The following ACAD9 variants were observed in gnomAD, a reference collection of about 807,000 sequenced individuals.
The protein encoded by ACAD9 is acyl-CoA dehydrogenase family member 9.
A neutral mutation model predicts 70.2 loss-of-function variants in ACAD9; 53 were observed. The observed-to-expected ratio is 0.75, with a 90% CI of 0.61 to 0.95. The LOEUF is 0.95. Among genes scored for constraint, ACAD9 ranks in the 40% least tolerant of loss-of-function variants. ACAD9 has a pLI of 0.00. For missense variants in ACAD9, 777 were observed against 802.8 expected (o/e 0.97, Z 0.39); for synonymous variants, 313 against 312.1 (o/e 1.00, Z -0.03).
chr3:128,895,943 A>C (rs1169479000), intron 4 of ACAD9, among the ~76,000 whole-genome samples: 1 of 152,214 alleles, frequency 6.6e-6, no homozygotes, highest in Admixed American at 6.5e-5. Flanking sequence ...ATTCATGCAG[A>C]TGTTTAGTGA....
chr3:128,886,654 G>A (rs954904799), intron 2 of ACAD9, among the ~76,000 whole-genome samples: 2 of 122,536 alleles, frequency 1.6e-5, no homozygotes, highest in African/African-American at 8.0e-5. Flanking sequence ...GTTGCGGTGA[G>A]CCGAGATCGC....
In ACAD9 at chr3:128,895,530, G is replaced by C. The variant is rs978911463; in HGVS notation, c.453+114G>C. On this transcript the variant is annotated intron_variant, in intron 4 of 17. Coordinates refer to ENST00000308982, the MANE Select transcript of ACAD9 (RefSeq NM_014049.5). ...AATTGGGCCTGATATCTGACCTTCA[G>C]CCCTGCCCTTCAGTTCCCTCACTCT... 6 of 969,394 alleles carry C rather than the reference G, an allele frequency of 6.2e-6. No homozygotes were observed. The African/African-American group carries it at 9.7e-5, about 16-fold the overall frequency. The allele number at this position is 969,394 out of a possible 1,614,324, so 60.0% of individuals were successfully genotyped here. A position where few individuals can be genotyped will look rare whatever the true frequency, so the allele number is the denominator to read the frequency against.
chr3:128,895,546 C>T (rs1935547174), intron 4 of ACAD9, 130 bp downstream of exon 4: 1 of 841,194 alleles, frequency 1.2e-6, no homozygotes, highest in Admixed American at 2.0e-5. Flanking sequence ...CCCTTCAGTT[C>T]CCTCACTCTG....
chr3:128,910,348 G>T, intron 16 of ACAD9, 199 bp downstream of exon 16: 1 of 1,469,652 alleles, frequency 6.8e-7, no homozygotes, highest in South Asian at 1.4e-5. Flanking sequence ...GAGAAGAGGG[G>T]GTGAGTGACA....
rs202147766 is a variant in ACAD9 at position 128,906,229 on chromosome 3, C to T, written c.1258C>T (p.Arg420Cys). ...YPYERILRDT[R>C]ILLIFEGTNE... The stretch of plus-strand genomic sequence containing the variant: ...GTACGAGCGCATACTGCGTGACACC[C>T]GCATCCTCCTCATCTTCGAGGTGAG... Residue 420 changes from arginine to cysteine, a missense_variant, in exon 12 of 18, where the codon CGC (arginine) becomes TGC (cysteine). Physicochemically the swap from Arg to Cys is radical, Grantham distance 180 (BLOSUM62 -3). Coordinates refer to ENST00000308982, the MANE Select transcript of ACAD9 (RefSeq NM_014049.5). 6.5e-5 allele frequency: 105 copies of T among 1,614,172 alleles called. No individual in the cohort carries two copies. The Middle Eastern group carries it at 6.6e-4, about 10-fold the overall frequency.
Position 128,906,243 on chromosome 3 carries a change from C to G in ACAD9, c.1272C>G (p.Ile424Met). Residue 424 changes from isoleucine to methionine, a missense_variant, in exon 12 of 18, where the codon ATC becomes ATG. Transcript: ENST00000308982. ...RILRDTRILL[I>M]FEGTNEILRM... The stretch of plus-strand genomic sequence containing the variant: ...TGCGTGACACCCGCATCCTCCTCAT[C>G]TTCGAGGTGAGTGGCCCCGCCACCA... 1 of 1,614,100 alleles carries G rather than the reference C, an allele frequency of 6.2e-7. No individual in the cohort carries two copies. Among genetic ancestry groups the G allele is most frequent in the Non-Finnish European group, 8.5e-7 (1 of 1,180,010 alleles).
intron 9 of ACAD9, among the ~76,000 whole-genome samples, chr3:128,903,235 G>A (rs1228031138): frequency 6.6e-6 from 1 of 152,228 alleles, no homozygotes; most frequent in Non-Finnish European, 1.5e-5. Flanking sequence ...ACACCCCTAA[G>A]TGCTTTATGA....
chr3:128,890,156 C>T (rs537780121), intron 2 of ACAD9, among the ~76,000 whole-genome samples: 3 of 151,828 alleles, frequency 2.0e-5, no homozygotes, highest in South Asian at 4.2e-4. Context: ...GATGCCATCT[C>T]GACTCACTGC....
At chr3:128,883,695 T>C (rs1451957558) in intron 1 of ACAD9, among the ~76,000 whole-genome samples, 1 of 152,070 alleles carries the variant, frequency 6.6e-6, no homozygotes, top group Non-Finnish European at 1.5e-5. Context: ...TCAGGGTGGT[T>C]TTGGAATGGA....
At chr3:128,910,237 G>A in intron 16 of ACAD9, 88 bp downstream of exon 16, 2 of 1,592,704 alleles carry the variant, frequency 1.3e-6, no homozygotes, top group Non-Finnish European at 1.7e-6. Context: ...GGAGGGTGTG[G>A]TCGGGTGTGG....
In ACAD9 at chr3:128,898,652, G is replaced by A. The variant is rs372495580; in HGVS notation, c.634-635G>A. On this transcript the variant is annotated intron_variant, in intron 6 of 17. Transcript: ENST00000308982. ...GGGGCTCAAGTGGTCTGCCCACCTC[G>A]GCCTCCCAAAGTGCTGGGATTACAG... 9.4e-4 allele frequency: 272 copies of A among 290,542 alleles called. 8 individuals are homozygous for A. Among genetic ancestry groups the A allele is most frequent in the South Asian group, 7.4e-3 (268 of 36,262 alleles). The allele number at this position is 290,542 out of a possible 1,614,324, so 18.0% of individuals were successfully genotyped here. A position where few individuals can be genotyped will look rare whatever the true frequency, so the allele number is the denominator to read the frequency against.
intron 11 of ACAD9, among the ~76,000 whole-genome samples, chr3:128,905,239 G>C (rs1935855495): frequency 6.6e-6 from 1 of 152,244 alleles, no homozygotes; most frequent in African/African-American, 2.4e-5. Flanking sequence ...AGCTGGCATG[G>C]TGGCACACGC....
intron 13 of ACAD9, 105 bp downstream of exon 13, chr3:128,908,369 A>G: frequency 7.3e-7 from 1 of 1,373,004 alleles, no homozygotes; most frequent in Non-Finnish European, 1.0e-6. Flanking sequence ...GAGTGGGGGC[A>G]TGGGGGTGTG....
In ACAD9 at chr3:128,879,716, C is replaced by T. The variant is rs753089360; in HGVS notation, c.25C>T (p.Arg9Cys). The part of the protein sequence containing the change: MSGCGLFL[R>C]TTAAARACRG... ...CATGAGCGGCTGCGGGCTCTTCCTG[C>T]GCACCACGGCTGCGGCTCGTGCCTG... Residue 9 changes from arginine (R) to cysteine (C), a missense_variant, in exon 1 of 18, where the codon CGC (arginine) becomes TGC (cysteine). Physicochemically the swap from Arg to Cys is radical, Grantham distance 180. Transcript: ENST00000308982. The T allele has an allele frequency of 6.2e-7, 1 of 1,612,852 alleles. No homozygotes were observed. The highest frequency in any genetic ancestry group is 8.5e-7 in the Non-Finnish European group (1 of 1,179,924).
chr3:128,883,800 G>A (rs1935165727), intron 1 of ACAD9, among the ~76,000 whole-genome samples: 1 of 152,160 alleles, frequency 6.6e-6, no homozygotes, highest in African/African-American at 2.4e-5. Flanking sequence ...AAAGCAGTGC[G>A]AGCATATTGA....
chr3:128,890,171 T>G (rs920410519), intron 2 of ACAD9, among the ~76,000 whole-genome samples: 2 of 151,470 alleles, frequency 1.3e-5, no homozygotes, highest in African/African-American at 4.8e-5. Flanking sequence ...CACTGCAACC[T>G]CCATCTCCCA....
At chr3:128,900,099 T>C (rs1935691965) in intron 7 of ACAD9, among the ~76,000 whole-genome samples, 1 of 152,010 alleles carries the variant, frequency 6.6e-6, no homozygotes, top group African/African-American at 2.4e-5. Flanking sequence ...ACCTGGCTAA[T>C]TTTTGTATTT....
In ACAD9 at chr3:128,904,494, G is replaced by A; in HGVS notation, c.1138G>A (p.Ala380Thr). The change falls in exon 11 of 18, where the codon GCC becomes ACC. Residue 380 changes from alanine (A) to threonine (T), a missense_variant. Ala to Thr is a moderately conservative substitution (Grantham distance 58). Coordinates refer to ENST00000308982, the MANE Select transcript of ACAD9 (RefSeq NM_014049.5). Reference sequence around the variant, plus strand: ...CTTTCCCGACTGCTCCATCGAGGCAGCCATGGTGAAGGTAACCCTGGCATA... The same window carrying A: ...CTTTCCCGACTGCTCCATCGAGGCAACCATGGTGAAGGTAACCCTGGCATA... ...PGFPDCSIEA[A>T]MVKVFSSEAA... 6.2e-7 allele frequency: 1 copy of A among 1,613,996 alleles called. No homozygotes were observed.
At chr3:128,904,261 A>G (rs1935824687) in intron 10 of ACAD9, 125 bp from the exon 11 acceptor site, 1 of 1,587,930 alleles carries the variant, frequency 6.3e-7, no homozygotes, top group African/African-American at 1.3e-5. Context: ...TTTATTTGAC[A>G]CGGGTCACTG....
Sources: allele counts gnomAD v4.1 joint callset (sites outside exome capture counted in the v4.1 genomes callset), GRCh38; gene constraint gnomAD v4.1.1; transcripts MANE v1.5; gene names NCBI Gene and HGNC (gene_info 2026-07-23, HGNC 2026-07-21).